The following PTK2 variants were observed in gnomAD, a reference collection of about 807,000 sequenced individuals.
PTK2 encodes protein tyrosine kinase 2, also known as focal adhesion kinase 1.
PTK2 carries 45 observed loss-of-function variants against 150.1 expected under a neutral mutation model. The ratio of observed to expected loss-of-function variants is 0.30; its 90% confidence interval spans 0.24 to 0.38. The LOEUF is 0.38. Ranked by LOEUF, PTK2 falls within the 10% of genes least tolerant of loss-of-function variation. The pLI is 1.00. For missense variants in PTK2, 919 were observed against 1,307.3 expected (o/e 0.70, Z 4.58); for synonymous variants, 432 against 449.2 (o/e 0.96, Z 0.48).
chr8:140,870,917 C>T (rs186699105), intron 4 of PTK2, among the ~76,000 whole-genome samples: 2 of 151,934 alleles, frequency 1.3e-5, no homozygotes, highest in East Asian at 3.9e-4. Flanking sequence ...CCTGTTTCCC[C>T]TAGGGGACAA....
intron 7 of PTK2, among the ~76,000 whole-genome samples, chr8:140,845,831 T>C (rs1019738216): frequency 2.6e-5 from 4 of 152,214 alleles, no homozygotes; most frequent in Non-Finnish European, 5.9e-5. Context: ...GATGCACACA[T>C]TAATTTCATT....
At chr8:140,743,596 T>C (rs890074326) in intron 19 of PTK2, among the ~76,000 whole-genome samples, 1 of 152,110 alleles carries the variant, frequency 6.6e-6, no homozygotes, top group Non-Finnish European at 1.5e-5. Flanking sequence ...TCTAAAATAA[T>C]GAAAATCCTT....
chr8:140,667,013 T>A (rs769268488), intron 30 of PTK2, among the ~76,000 whole-genome samples: 28 of 152,124 alleles, frequency 1.8e-4, no homozygotes, highest in Non-Finnish European at 3.8e-4. Flanking sequence ...AATAAATCCA[T>A]CACAAAAAGA....
intron 14 of PTK2, among the ~76,000 whole-genome samples, chr8:140,770,117 G>A (rs1395911940): frequency 6.6e-6 from 1 of 152,168 alleles, no homozygotes; most frequent in African/African-American, 2.4e-5. Flanking sequence ...AAACTGTGGG[G>A]AGTGCAGTAC....
intron 14 of PTK2, among the ~76,000 whole-genome samples, chr8:140,780,320 T>C (rs1346799786): frequency 6.6e-6 from 1 of 152,126 alleles, no homozygotes; most frequent in African/African-American, 2.4e-5. Context: ...CAGAGAGTGA[T>C]GGGACCTAAA....
intron 23 of PTK2, among the ~76,000 whole-genome samples, chr8:140,708,404 G>T (rs1202681691): frequency 6.6e-6 from 1 of 151,994 alleles, no homozygotes; most frequent in Non-Finnish European, 1.5e-5. Flanking sequence ...CTTCTTTCAC[G>T]CAACAGCTCG....
chr8:140,664,859 G>T, intron 31 of PTK2, 58 bp downstream of exon 35: 1 of 1,539,010 alleles, frequency 6.5e-7, no homozygotes, highest in Non-Finnish European at 8.9e-7. Flanking sequence ...AGGCATCCCT[G>T]AATGTGTCCC....
chr8:140,978,561 A>G (rs2100190180), intron 1 of PTK2, among the ~76,000 whole-genome samples: 2 of 151,862 alleles, frequency 1.3e-5, no homozygotes. Flanking sequence ...CCACAATGAG[A>G]TACCATCTCA....
intron 1 of PTK2, among the ~76,000 whole-genome samples, chr8:140,931,581 T>TAAATAA (rs1024621815): frequency 3.3e-5 from 5 of 151,990 alleles, no homozygotes; most frequent in Non-Finnish European, 7.4e-5. Context: ...AAAAAATTTT[T>TAAATAA]AAATAAAAAT....
intron 11 of PTK2, among the ~76,000 whole-genome samples, chr8:140,801,686 T>TA (rs1430053669): frequency 6.6e-6 from 1 of 152,204 alleles, no homozygotes; most frequent in Non-Finnish European, 1.5e-5. Flanking sequence ...ATAATTATTA[T>TA]AATCATATAA....
At chr8:140,987,070 A>T (rs2100193535) in intron 1 of PTK2, among the ~76,000 whole-genome samples, 1 of 152,226 alleles carries the variant, frequency 6.6e-6, no homozygotes, top group African/African-American at 2.4e-5. Context: ...TAAGAAAATG[A>T]AAAAGCCAGC....
intron 1 of PTK2, among the ~76,000 whole-genome samples, chr8:140,955,995 C>CT (rs1196797439): frequency 2.0e-5 from 3 of 152,134 alleles, no homozygotes; most frequent in Non-Finnish European, 2.9e-5. Flanking sequence ...GTCACCCTGC[C>CT]CAACTGTACA....
intron 1 of PTK2, among the ~76,000 whole-genome samples, chr8:140,964,308 T>C (rs552655690): frequency 6.6e-6 from 1 of 152,120 alleles, no homozygotes; most frequent in South Asian, 2.1e-4. Flanking sequence ...CTCACTGTAG[T>C]CTCAGACACC....
chr8:140,846,730 G>GAT (rs768983643), intron 5 of PTK2, 52 bp from the exon 6 acceptor site: 1 of 1,275,368 alleles, frequency 7.8e-7, no homozygotes, highest in Non-Finnish European at 1.1e-6. Context: ...AAAAATATTA[G>GAT]ATATATGCAT....
Position 140,889,392 on chromosome 8 carries a change from G to A in PTK2, c.195+1151C>T, listed in dbSNP as rs188219607. Among the ~76,000 whole-genome samples the A allele has an allele frequency of 4.3e-4, 65 of 152,144 alleles. 1 individual carries two copies. The highest frequency in any genetic ancestry group is 1.4e-3 in the African/African-American group (60 of 41,528). Reference sequence around the variant, plus strand: ...CTATAGGCATGTGACACCACACCTGGCTAATTTTGTATTTTTTGTAGAGAT... The same window carrying A: ...CTATAGGCATGTGACACCACACCTGACTAATTTTGTATTTTTTGTAGAGAT... On this transcript the variant is annotated intron_variant, in intron 3 of 31. Coordinates refer to ENST00000522684, the Ensembl canonical transcript of PTK2.
At chr8:140,780,622 C>G (rs1290662933) in intron 14 of PTK2, among the ~76,000 whole-genome samples, 1 of 152,194 alleles carries the variant, frequency 6.6e-6, no homozygotes, top group Non-Finnish European at 1.5e-5. Flanking sequence ...CTGACACATA[C>G]AGGAGATACT....
chr8:140,752,681 G>T (rs1296155977), intron 16 of PTK2, among the ~76,000 whole-genome samples: 1 of 152,208 alleles, frequency 6.6e-6, no homozygotes, highest in African/African-American at 2.4e-5. Context: ...AATAAATAAA[G>T]AATTAATTAC....
At position 140,949,585 on chromosome 8, in the gene PTK2, A is replaced by G. The variant is rs2100178820; in HGVS notation, c.-121-23836T>C. 2.0e-5 allele frequency among the ~76,000 whole-genome samples: 3 copies of G among 152,220 alleles called. No individual in the cohort carries two copies. The South Asian group carries it at 6.2e-4, about 31-fold the overall frequency. On this transcript the variant is annotated intron_variant, in intron 1 of 31. Coordinates refer to ENST00000522684, the Ensembl canonical transcript of PTK2. ...TGTCACAACCTGGCCGAGTATGCACATGCTCGAGGCAGCGCTGACACACCA... is the reference window on the plus strand; with the variant it reads ...TGTCACAACCTGGCCGAGTATGCACGTGCTCGAGGCAGCGCTGACACACCA...
chr8:140,953,835 G>C (rs1472314632), intron 1 of PTK2, among the ~76,000 whole-genome samples: 1 of 152,120 alleles, frequency 6.6e-6, no homozygotes, highest in Non-Finnish European at 1.5e-5. Context: ...ACTCAGGCTG[G>C]AGTACAGTGG....
Sources: gnomAD v4.1 joint callset for allele counts (sites outside exome capture counted in the v4.1 genomes callset) on GRCh38, gnomAD v4.1.1 for gene constraint, MANE v1.5 for transcripts, NCBI Gene and HGNC (gene_info 2026-07-23, HGNC 2026-07-21) for gene names.